The following CADPS variants were observed in gnomAD, a reference collection of about 807,000 sequenced individuals.
CADPS encodes calcium-dependent secretion activator 1.
CADPS carries 57 observed loss-of-function variants against 167.3 expected under a neutral mutation model. The ratio of observed to expected loss-of-function variants is 0.34; its 90% CI spans 0.28 to 0.42. The LOEUF (loss-of-function observed/expected upper bound fraction) is 0.42, where lower values mean the gene tolerates loss of function less well. Ranked by LOEUF, CADPS falls within the 20% of genes least tolerant of loss-of-function variation. The pLI, the probability that CADPS is intolerant of heterozygous loss-of-function variation, is 1.00. For synonymous variants in CADPS, 676 were observed against 635.3 expected, an observed-to-expected ratio of 1.06 and a Z score of -0.96; for missense variants, 1,414 against 1,738.1, an observed-to-expected ratio of 0.81 and a Z score of 3.32.
intron 1 of CADPS, among the ~76,000 whole-genome samples, chr3:62,856,599 A>G (rs2079733211): frequency 6.6e-6 from 1 of 152,088 alleles, no homozygotes; most frequent in African/African-American, 2.4e-5. Flanking sequence ...TCATAAACCT[A>G]CAATGATTGA....
chr3:62,782,006 C>G (rs1006046614), intron 1 of CADPS, among the ~76,000 whole-genome samples: 1 of 152,150 alleles, frequency 6.6e-6, no homozygotes, highest in African/African-American at 2.4e-5. Context: ...CACTCATTTC[C>G]TAATGTCTCC....
At chr3:62,864,781 A>G (rs919561811) in intron 1 of CADPS, among the ~76,000 whole-genome samples, 7 of 152,178 alleles carry the variant, frequency 4.6e-5, no homozygotes, top group Non-Finnish European at 7.3e-5. Flanking sequence ...TAATAAACCC[A>G]TAACAAGAGC....
At chr3:62,695,235 G>A (rs1034297683) in intron 3 of CADPS, among the ~76,000 whole-genome samples, 2 of 152,060 alleles carry the variant, frequency 1.3e-5, no homozygotes, top group African/African-American at 2.4e-5. Flanking sequence ...TTGTACAAAG[G>A]ATAGTTGCAT....
chr3:62,711,616 G>C (rs924415948), intron 3 of CADPS, among the ~76,000 whole-genome samples: 4 of 152,226 alleles, frequency 2.6e-5, no homozygotes, highest in Non-Finnish European at 4.4e-5. Flanking sequence ...CCCTGCAAGG[G>C]AGCTGAGATA....
intron 18 of CADPS, among the ~76,000 whole-genome samples, chr3:62,494,181 G>A (rs1450765254): frequency 3.9e-5 from 6 of 152,116 alleles, no homozygotes; most frequent in Admixed American, 3.3e-4. Flanking sequence ...CCAATATTTG[G>A]GTCTGAACCG....
At chr3:62,569,277 C>A (rs1294132399) in intron 9 of CADPS, among the ~76,000 whole-genome samples, 1 of 152,006 alleles carries the variant, frequency 6.6e-6, no homozygotes, top group Non-Finnish European at 1.5e-5. Context: ...ATTTTTTGTA[C>A]TATTAGTAGA....
intron 3 of CADPS, among the ~76,000 whole-genome samples, chr3:62,667,701 G>C (rs536431565): frequency 6.6e-6 from 1 of 152,114 alleles, no homozygotes; most frequent in African/African-American, 2.4e-5. Flanking sequence ...AAATGTACCT[G>C]ATCATGTGTT....
At chr3:62,783,358 A>G (rs1206407552) in intron 1 of CADPS, among the ~76,000 whole-genome samples, 1 of 152,040 alleles carries the variant, frequency 6.6e-6, no homozygotes, top group East Asian at 1.9e-4. Context: ...ACAACTTCCT[A>G]AAACTCTGTA....
intron 13 of CADPS, among the ~76,000 whole-genome samples, chr3:62,520,650 G>A (rs1332797957): frequency 6.6e-6 from 1 of 152,110 alleles, no homozygotes; most frequent in African/African-American, 2.4e-5. Flanking sequence ...ATAAAAACAG[G>A]TGATAAAACA....
intron 3 of CADPS, among the ~76,000 whole-genome samples, chr3:62,721,139 A>ATTTTTTTTTTTTTTT (rs1268261563): frequency 0.015 from 1,663 of 112,486 alleles, 36 homozygotes; most frequent in African/African-American, 0.035. Context: ...TTTTTTAAAA[A>ATTTTTTTTTTTTTTT]AAAAAAGAAG....
At chr3:62,624,706 C>T (rs2063738113) in intron 6 of CADPS, among the ~76,000 whole-genome samples, 1 of 152,186 alleles carries the variant, frequency 6.6e-6, no homozygotes, top group Non-Finnish European at 1.5e-5. Context: ...GGGCAAGCTA[C>T]CTGATGGTAC....
chr3:62,667,153 G>A (rs541097375), intron 3 of CADPS, among the ~76,000 whole-genome samples: 3 of 151,062 alleles, frequency 2.0e-5, no homozygotes, highest in African/African-American at 4.9e-5. Flanking sequence ...ACCCTGGCAT[G>A]TTATGAGGAT....
chr3:62,804,027 C>A (rs1248866626), intron 1 of CADPS, among the ~76,000 whole-genome samples: 2 of 152,216 alleles, frequency 1.3e-5, no homozygotes, highest in East Asian at 3.9e-4. Flanking sequence ...CCTGACCACA[C>A]TGCCTCAGTA....
chr3:62,415,032 G>C (rs575731482), intron 28 of CADPS, among the ~76,000 whole-genome samples: 1 of 152,238 alleles, frequency 6.6e-6, no homozygotes, highest in Admixed American at 6.5e-5. Flanking sequence ...TTGTCTCCTT[G>C]ACAACACCCC....
At chr3:62,512,899 C>T (rs2068139848) in intron 16 of CADPS, 131 bp from the exon 17 acceptor site, 1 of 646,260 alleles carries the variant, frequency 1.5e-6, no homozygotes, top group East Asian at 3.2e-5. Context: ...GAAAAGGTTG[C>T]CCTTGGGTTC....
At chr3:62,780,983 G>C (rs1297058110) in intron 1 of CADPS, among the ~76,000 whole-genome samples, 1 of 152,030 alleles carries the variant, frequency 6.6e-6, no homozygotes, top group Non-Finnish European at 1.5e-5. Context: ...CTATATCTTA[G>C]GACTCGTACA....
intron 20 of CADPS, among the ~76,000 whole-genome samples, chr3:62,492,089 G>A (rs1026562148): frequency 6.6e-6 from 1 of 152,166 alleles, no homozygotes; most frequent in East Asian, 1.9e-4. Flanking sequence ...AGTTAAGAGA[G>A]AGCGTCCCTA....
At chr3:62,532,802 G>A in intron 13 of CADPS, 69 bp downstream of exon 13, 1 of 1,433,230 alleles carries the variant, frequency 7.0e-7, no homozygotes, top group East Asian at 2.3e-5. Context: ...CTAAAAGCAA[G>A]ACTAGCCATA....
chr3:62,477,316 T>G (rs866741584), intron 23 of CADPS, among the ~76,000 whole-genome samples: 830 of 28,378 alleles, frequency 0.029, 7 homozygotes, highest in Middle Eastern at 0.076. Context: ...CAATCTGGGT[T>G]TTTTTTTTTT....
Sources: allele counts gnomAD v4.1 joint callset (sites outside exome capture counted in the v4.1 genomes callset), GRCh38; gene constraint gnomAD v4.1.1; transcripts MANE v1.5; gene names NCBI Gene and HGNC (gene_info 2026-07-23, HGNC 2026-07-21).